The following TTI2 variants were observed in gnomAD, a reference collection of about 807,000 sequenced individuals.
The protein encoded by TTI2 is TELO2-interacting protein 2.
TTI2 carries 26 observed loss-of-function variants against 44.9 expected under a neutral mutation model. The observed-to-expected ratio is 0.58, with a 90% confidence interval of 0.42 to 0.80. The LOEUF is 0.80. Among genes scored for constraint, TTI2 ranks in the 30% least tolerant of loss-of-function variants. TTI2 has a pLI of 0.00. For missense variants in TTI2, 582 were observed against 611.6 expected (o/e 0.95, Z 0.51); for synonymous variants, 254 against 250.9 (o/e 1.01, Z -0.12).
At chr8:33,503,302 G>GTTT in intron 6 of TTI2, 127 bp downstream of exon 6, 2 of 1,303,282 alleles carry the variant, frequency 1.5e-6, no homozygotes, top group Non-Finnish European at 2.2e-6. Context: ...TCCTATAGGT[G>GTTT]TGTGAAAATG....
intron 4 of TTI2, among the ~76,000 whole-genome samples, chr8:33,506,369 G>C (rs1180554205): frequency 6.7e-6 from 1 of 149,764 alleles, no homozygotes; most frequent in Non-Finnish European, 1.5e-5. Flanking sequence ...CAGACATAAA[G>C]CTGCCTCCAA....
rs1809556656 is a variant in TTI2, at chr8:33,512,131, T to C, written c.483A>G (p.Gln161=). 1.2e-6 allele frequency: 2 copies of C among 1,614,094 alleles called. No individual in the cohort carries two copies. Among genetic ancestry groups the C allele is most frequent in the Non-Finnish European group, 1.7e-6 (2 of 1,180,002 alleles). The change falls in exon 2 of 8, where the codon CAA becomes CAG. Residue 161 remains glutamine (Q), a synonymous_variant. Coordinates refer to ENST00000431156, the MANE Select transcript of TTI2 (RefSeq NM_001102401.4). Reference sequence around the variant, plus strand: ...CCCGAGATCTCGGAGTGGTCCATGGTTGCTCCAAGCTGTGTGTGATGGCAA... The same window carrying C: ...CCCGAGATCTCGGAGTGGTCCATGGCTGCTCCAAGCTGTGTGTGATGGCAA... ...YIFAITHSLE[Q]PWTTPRSREV...
At chr8:33,508,978 C>T (rs1238046327) in intron 3 of TTI2, among the ~76,000 whole-genome samples, 1 of 151,500 alleles carries the variant, frequency 6.6e-6, no homozygotes, top group Non-Finnish European at 1.5e-5. Context: ...CCCATTTCCA[C>T]TAAAAATACA....
chr8:33,512,417 C>A lies in TTI2; in HGVS notation c.197G>T (p.Arg66Met). 6.2e-7 allele frequency: 1 copy of A among 1,614,106 alleles called. No homozygotes were observed. The highest frequency in any genetic ancestry group is 8.5e-7 in the Non-Finnish European group (1 of 1,179,964). The part of the protein sequence containing the change: ...GDLIEATEFD[R>M]LFEGTGARLR... ...CCGTGCACCAGTCCCCTCAAATAAC[C>A]TATCAAATTCTGTGGCTTCTATTAG... The change falls in exon 2 of 8, where the codon AGG becomes ATG. Residue 66 changes from arginine to methionine, a missense_variant. Transcript: ENST00000431156.
chr8:33,509,577 T>C (rs1809443120), intron 3 of TTI2, among the ~76,000 whole-genome samples, 169 bp downstream of exon 3: 1 of 152,136 alleles, frequency 6.6e-6, no homozygotes. Flanking sequence ...TCATTTTAGT[T>C]ATTACATTAC....
At chr8:33,503,150 A>T (rs58139065) in intron 6 of TTI2, among the ~76,000 whole-genome samples, 4,403 of 139,810 alleles carry the variant, frequency 0.031, 215 homozygotes, top group African/African-American at 0.11. Flanking sequence ...AAAAAAAAAC[A>T]AAAAAGATAT....
intron 7 of TTI2, chr8:33,499,953 CTATT>C (rs1448983004): frequency 1.2e-5 from 2 of 161,156 alleles, no homozygotes; most frequent in Non-Finnish European, 2.7e-5. Context: ...CTGAAATGCT[CTATT>C]TATGTTATTA....
chr8:33,501,185 A>T (rs1809063886), intron 6 of TTI2: 1 of 152,250 alleles, frequency 6.6e-6, no homozygotes, highest in African/African-American at 2.4e-5. Context: ...AAAAACTTTA[A>T]TGAAAGGTGG....
Position 33,512,537 on chromosome 8 carries a change from A to G in TTI2, c.77T>C (p.Phe26Ser). 1 of 1,614,108 alleles carries G rather than the reference A, an allele frequency of 6.2e-7. No homozygotes were observed. The highest frequency in any genetic ancestry group is 8.5e-7 in the Non-Finnish European group (1 of 1,180,028). ...NLSEELSHSA[F>S]GQAFSKILHC... ...TAAAATCTTGGAGAAGGCCTGTCCA[A>G]AGGCGGAGTGAGACAACTCCTCGGA... Residue 26 changes from phenylalanine to serine, a missense_variant, in exon 2 of 8, where the codon TTT (phenylalanine) becomes TCT (serine). Coordinates refer to ENST00000431156, the MANE Select transcript of TTI2 (RefSeq NM_001102401.4).
rs746156810 is a variant in TTI2, at chr8:33,512,128, T to C, written c.486A>G (p.Pro162=). 3.7e-6 allele frequency: 6 copies of C among 1,614,068 alleles called. No individual in the cohort carries two copies. The African/African-American group carries it at 5.3e-5, about 14-fold the overall frequency. ...CTTCCCGAGATCTCGGAGTGGTCCA[T>C]GGTTGCTCCAAGCTGTGTGTGATGG... ...IFAITHSLEQ[P]WTTPRSREVA... The change falls in exon 2 of 8, where the codon CCA becomes CCG. Residue 162 remains proline (P), a synonymous_variant. Coordinates refer to ENST00000431156, the MANE Select transcript of TTI2 (RefSeq NM_001102401.4).
chr8:33,512,618 G>A lies in TTI2; in HGVS notation c.-5C>T, dbSNP rs756327075. 1.2e-6 allele frequency: 2 copies of A among 1,612,154 alleles called. No homozygotes were observed. Among genetic ancestry groups the A allele is most frequent in the Admixed American group, 1.7e-5 (1 of 59,986 alleles). On this transcript the variant is annotated 5_prime_UTR_variant, in exon 2 of 8. Coordinates refer to ENST00000431156, the MANE Select transcript of TTI2 (RefSeq NM_001102401.4). ...CAGAGCGCTGTCAAGCTCCATTCCT[G>A]ACTGCAGCACCAGAAGGCTGGTCTC...
chr8:33,509,943 A>G lies in TTI2; in HGVS notation c.648-11T>C. The stretch of plus-strand genomic sequence containing the variant: ...TTCTTCCAGGATTCCCTAAGTGAAT[A>G]CATAGAATTACATTAAGTGACATGG... On this transcript the variant is annotated splice_polypyrimidine_tract_variant and intron_variant, in intron 2 of 7. Transcript: ENST00000431156. 4.5e-6 allele frequency: 7 copies of G among 1,570,854 alleles called. No homozygotes were observed. Among genetic ancestry groups the G allele is most frequent in the Non-Finnish European group, 6.1e-6 (7 of 1,143,056 alleles).
intron 1 of TTI2, 161 bp from the exon 2 acceptor site, chr8:33,512,873 TC>T: frequency 1.2e-5 from 2 of 171,660 alleles, no homozygotes; most frequent in Non-Finnish European, 2.0e-5. Context: ...AGACTCCGTC[TC>T]AGTAAAAAAA....
chr8:33,503,971 A>T (rs1466682738), intron 4 of TTI2, 36 bp from the exon 5 acceptor site: 3 of 1,603,094 alleles, frequency 1.9e-6, no homozygotes, highest in Non-Finnish European at 2.6e-6. Context: ...TGCATAGTTC[A>T]TCCATTTGCA....
At chr8:33,501,183 T>C (rs1809063640) in intron 6 of TTI2, 1 of 152,214 alleles carries the variant, frequency 6.6e-6, no homozygotes, top group African/African-American at 2.4e-5. Context: ...AAAAAAACTT[T>C]AATGAAAGGT....
chr8:33,509,141 A>T (rs922985847), intron 3 of TTI2, among the ~76,000 whole-genome samples: 7 of 149,834 alleles, frequency 4.7e-5, no homozygotes, highest in African/African-American at 1.5e-4. Flanking sequence ...TCAAAAAAAA[A>T]AAAAAAAAAA....
intron 6 of TTI2, 87 bp from the exon 7 acceptor site, chr8:33,500,577 T>C: frequency 6.7e-7 from 1 of 1,491,284 alleles, no homozygotes; most frequent in Non-Finnish European, 9.1e-7. Context: ...AGTGGAAAGC[T>C]ATCATTTCCT....
chr8:33,500,264 T>G (rs1384404784), intron 7 of TTI2, 64 bp downstream of exon 7: 1 of 1,593,782 alleles, frequency 6.3e-7, no homozygotes, highest in Non-Finnish European at 8.6e-7. Flanking sequence ...TAAATTATAA[T>G]CAATCATGGG....
chr8:33,503,376 G>A, intron 6 of TTI2, 53 bp downstream of exon 6: 1 of 1,612,946 alleles, frequency 6.2e-7, no homozygotes, highest in Middle Eastern at 1.7e-4. Context: ...ATACATCCAA[G>A]CAAGTTCTCA....
Sources: allele counts gnomAD v4.1 joint callset (sites outside exome capture counted in the v4.1 genomes callset), GRCh38; gene constraint gnomAD v4.1.1; transcripts MANE v1.5; gene names NCBI Gene and HGNC (gene_info 2026-07-23, HGNC 2026-07-21).